The following TBC1D5 variants were observed in gnomAD, a reference collection of about 807,000 sequenced individuals.
TBC1D5 encodes the protein TBC1 domain family, member 5.
Under a neutral mutation model 100.3 loss-of-function variants are expected in TBC1D5, and 75 were observed. The observed-to-expected ratio is 0.75, with a 90% CI of 0.62 to 0.91. The LOEUF (loss-of-function observed/expected upper bound fraction) is 0.91, where lower values mean the gene tolerates loss of function less well. Ranked by LOEUF, TBC1D5 falls within the 40% of genes least tolerant of loss-of-function variation. The pLI is 0.00. For synonymous variants in TBC1D5, 323 were observed against 325.6 expected, an observed-to-expected ratio of 0.99 and a Z score of 0.09; for missense variants, 910 against 942.4, an observed-to-expected ratio of 0.97 and a Z score of 0.45.
intron 3 of TBC1D5, among the ~76,000 whole-genome samples, chr3:17,439,343 A>G (rs568192183): frequency 4.8e-4 from 73 of 152,332 alleles, no homozygotes; most frequent in African/African-American, 1.5e-3. Context: ...TGTCTTTTAA[A>G]TAACAGCTAT....
intron 19 of TBC1D5, 30 bp downstream of exon 20, chr3:17,185,079 T>C (rs771270347): frequency 4.4e-6 from 7 of 1,600,812 alleles, no homozygotes; most frequent in Middle Eastern, 1.7e-4. Flanking sequence ...ATGAGTCTCA[T>C]CGTTCCCAGG....
At chr3:17,680,809 G>A (rs2069344785) in intron 1 of TBC1D5, among the ~76,000 whole-genome samples, 1 of 151,246 alleles carries the variant, frequency 6.6e-6, no homozygotes, top group Non-Finnish European at 1.5e-5. Context: ...AATCCCTGAA[G>A]TACAACAGGG....
At chr3:17,374,878 T>G (rs991115490) in intron 10 of TBC1D5, among the ~76,000 whole-genome samples, 199 bp from the exon 11 acceptor site, 1 of 152,180 alleles carries the variant, frequency 6.6e-6, no homozygotes, top group African/African-American at 2.4e-5. Flanking sequence ...AGCTGCCTTG[T>G]CTATGCCTCT....
chr3:17,300,641 T>G (rs1038648109), intron 14 of TBC1D5, among the ~76,000 whole-genome samples: 2 of 152,194 alleles, frequency 1.3e-5, no homozygotes, highest in Admixed American at 1.3e-4. Flanking sequence ...AGTAGAGTAT[T>G]GTAACATGCT....
At chr3:17,709,851 C>T (rs75490574) in intron 1 of TBC1D5, among the ~76,000 whole-genome samples, 2 of 152,204 alleles carry the variant, frequency 1.3e-5, no homozygotes, top group African/African-American at 4.8e-5. Context: ...ATTCTTAGAG[C>T]TATCAACAAC....
intron 1 of TBC1D5, among the ~76,000 whole-genome samples, chr3:17,716,448 GA>G (rs34983821): frequency 2.0e-5 from 3 of 149,524 alleles, no homozygotes; most frequent in African/African-American, 4.9e-5. Flanking sequence ...TGTTCAGAGG[GA>G]AAAAAAAAAT....
intron 16 of TBC1D5, among the ~76,000 whole-genome samples, chr3:17,258,103 T>C (rs1460329785): frequency 4.6e-5 from 7 of 152,168 alleles, no homozygotes; most frequent in Non-Finnish European, 1.0e-4. Context: ...TATAAGCTTA[T>C]TGTGTAGTTC....
intron 13 of TBC1D5, among the ~76,000 whole-genome samples, chr3:17,352,210 GTA>G (rs2090690893): frequency 6.6e-6 from 1 of 152,048 alleles, no homozygotes; most frequent in African/African-American, 2.4e-5. Flanking sequence ...GTAGGTCTAT[GTA>G]TTACAATAAA....
intron 17 of TBC1D5, among the ~76,000 whole-genome samples, chr3:17,226,311 T>C (rs1368031467): frequency 4.0e-5 from 2 of 49,914 alleles, no homozygotes; most frequent in Admixed American, 1.8e-4. Flanking sequence ...TCTACATACC[T>C]TTTTTTTTTT....
At chr3:17,613,106 A>G (rs1408141750) in intron 2 of TBC1D5, among the ~76,000 whole-genome samples, 2 of 152,134 alleles carry the variant, frequency 1.3e-5, no homozygotes, top group African/African-American at 2.4e-5. Context: ...TCATTGTTCA[A>G]TTCCCACCTA....
intron 4 of TBC1D5, among the ~76,000 whole-genome samples, chr3:17,413,263 T>C (rs529443232): frequency 6.6e-6 from 1 of 152,172 alleles, no homozygotes; most frequent in Non-Finnish European, 1.5e-5. Context: ...GGAAGCACCA[T>C]GCTGAGAAGG....
intron 2 of TBC1D5, among the ~76,000 whole-genome samples, chr3:17,536,447 G>A (rs896408689): frequency 1.3e-5 from 2 of 152,080 alleles, no homozygotes; most frequent in African/African-American, 2.4e-5. Flanking sequence ...TACCAAATAC[G>A]TTCATAATGT....
chr3:17,276,802 G>A (rs1476865721), intron 15 of TBC1D5, among the ~76,000 whole-genome samples: 2 of 152,160 alleles, frequency 1.3e-5, no homozygotes, highest in African/African-American at 2.4e-5. Context: ...GTGGAGCCAC[G>A]GGACTGAGTT....
chr3:17,735,901 A>G (rs1434042690), intron 1 of TBC1D5, among the ~76,000 whole-genome samples: 1 of 152,156 alleles, frequency 6.6e-6, no homozygotes, highest in Non-Finnish European at 1.5e-5. Flanking sequence ...AAGATTTAAT[A>G]GAGTGAAAAC....
intron 3 of TBC1D5, among the ~76,000 whole-genome samples, chr3:17,506,691 C>A (rs2095847831): frequency 6.6e-6 from 1 of 151,690 alleles, no homozygotes; most frequent in Non-Finnish European, 1.5e-5. Context: ...AAACGAAAAG[C>A]CTTTTTAGTA....
intron 1 of TBC1D5, among the ~76,000 whole-genome samples, chr3:17,636,529 C>T (rs1166662998): frequency 1.3e-5 from 2 of 152,016 alleles, no homozygotes; most frequent in South Asian, 2.1e-4. Flanking sequence ...CAGTGGCTCA[C>T]GCCTGTAATC....
intron 4 of TBC1D5, 24 bp downstream of exon 4, chr3:17,428,426 T>C: frequency 1.7e-6 from 1 of 603,138 alleles, no homozygotes; most frequent in Non-Finnish European, 2.5e-6. Context: ...TATATATATA[T>C]ATATATATGT....
chr3:17,404,322 T>C (rs555357263), intron 7 of TBC1D5, among the ~76,000 whole-genome samples: 1 of 152,172 alleles, frequency 6.6e-6, no homozygotes, highest in East Asian at 1.9e-4. Flanking sequence ...TTCCTGCGAG[T>C]TAGCCCTACT....
chr3:17,262,555 C>CA (rs2078418110), intron 15 of TBC1D5, among the ~76,000 whole-genome samples: 1 of 148,622 alleles, frequency 6.7e-6, no homozygotes, highest in South Asian at 2.2e-4. Context: ...GATCTCGGCT[C>CA]ACTGCAAGCT....
Sources: allele counts gnomAD v4.1 joint callset (sites outside exome capture counted in the v4.1 genomes callset), GRCh38; gene constraint gnomAD v4.1.1; transcripts MANE v1.5; gene names NCBI Gene and HGNC (gene_info 2026-07-23, HGNC 2026-07-21).